Variants in PRDM16 observed in about 807,000 individuals in gnomAD.
PRDM16 encodes histone-lysine N-methyltransferase PRDM16.
PRDM16 carries 23 observed loss-of-function variants against 110.6 expected under a neutral mutation model. The observed-to-expected ratio is 0.21, with a 90% CI of 0.15 to 0.29. The LOEUF (loss-of-function observed/expected upper bound fraction) is 0.29. Among genes scored for constraint, PRDM16 ranks in the 10% least tolerant of loss-of-function variants. The pLI, the probability that PRDM16 is intolerant of heterozygous loss-of-function variation, is 1.00. For synonymous variants in PRDM16, 799 were observed against 781.8 expected (o/e 1.02, Z -0.37); for missense variants, 1,615 against 1,794.3 (o/e 0.90, Z 1.81).
At position 3,382,919 on chromosome 1, in the gene PRDM16, T is replaced by C. The variant is rs1432298147; in HGVS notation, c.439-2233T>C. Among the ~76,000 whole-genome samples the C allele has an allele frequency of 6.6e-6, 1 of 152,212 alleles. No homozygotes were observed. Among genetic ancestry groups the C allele is most frequent in the Non-Finnish European group, 1.5e-5 (1 of 68,034 alleles). On this transcript the variant is annotated intron_variant, in intron 3 of 16. Coordinates refer to ENST00000270722, the MANE Select transcript of PRDM16 (RefSeq NM_022114.4). The surrounding 1 kb of genome is among the most constrained non-coding windows in gnomAD (Gnocchi z 6.6). ...GGACTGGGATACTGCCAGCCCCATG[T>C]GGCCAGCTGTGCTCCTGCTACTCCA...
intron 2 of PRDM16, among the ~76,000 whole-genome samples, chr1:3,187,178 G>C (rs1287393244): frequency 7.9e-5 from 12 of 152,142 alleles, no homozygotes; most frequent in Non-Finnish European, 1.6e-4. Flanking sequence ...CCCGGTGTTG[G>C]GGTCCCTTGA....
At chr1:3,087,270 C>T (rs1445701251) in intron 1 of PRDM16, among the ~76,000 whole-genome samples, 1 of 150,046 alleles carries the variant, frequency 6.7e-6, no homozygotes, top group African/African-American at 2.5e-5. Context: ...GAGACCAGCC[C>T]CACCTGAGGC....
Position 3,412,816 on chromosome 1 carries a change from G to A in PRDM16, c.2603+16G>A. On this transcript the variant is annotated intron_variant, in intron 9 of 16. Transcript: ENST00000270722. ...CCATCTACAGGTATTCAGCACCCCA[G>A]CCTCACTGGCTCTCCCTGGGGCGGG... is the stretch of plus-strand genomic sequence containing the variant. 6.9e-7 allele frequency: 1 copy of A among 1,438,990 alleles called. No individual in the cohort carries two copies. Among genetic ancestry groups the A allele is most frequent in the Non-Finnish European group, 9.1e-7 (1 of 1,096,228 alleles). 89.1% of individuals were successfully genotyped at this position (1,438,990 alleles called of 1,614,324 possible).
intron 2 of PRDM16, chr1:3,205,925 C>T (rs1449393892): frequency 6.6e-6 from 1 of 152,306 alleles, no homozygotes; most frequent in Non-Finnish European, 1.5e-5. Flanking sequence ...ACAATTAACC[C>T]TCTCCCAGGG....
At position 3,246,772 on chromosome 1, in the gene PRDM16, G is replaced by A. The variant is rs534577298; in HGVS notation, c.438+2635G>A. Among the ~76,000 whole-genome samples, 1 of 152,186 alleles carries A rather than the reference G, an allele frequency of 6.6e-6. No individual in the cohort carries two copies. Among genetic ancestry groups the A allele is most frequent in the East Asian group, 1.9e-4 (1 of 5,198 alleles). ...GATCCCTAACCCCAGGGCTCAGACTGGACCCGTTCAGTTACATTTCTAGGC... is the reference window on the plus strand; with the variant it reads ...GATCCCTAACCCCAGGGCTCAGACTAGACCCGTTCAGTTACATTTCTAGGC... On this transcript the variant is annotated intron_variant, in intron 3 of 16. Coordinates refer to ENST00000270722, the MANE Select transcript of PRDM16 (RefSeq NM_022114.4). This position sits in a 1 kb window ranked among gnomAD's most constrained non-coding sequence, Gnocchi z 5.2.
At chr1:3,164,301 A>C (rs527783039) in intron 1 of PRDM16, among the ~76,000 whole-genome samples, 32 of 152,376 alleles carry the variant, frequency 2.1e-4, no homozygotes, top group African/African-American at 7.2e-4. Flanking sequence ...AAATTTGAGA[A>C]GGCAAAGTTT....
At chr1:3,405,694 T>C (rs780076547) in intron 8 of PRDM16, 46 bp downstream of exon 8, 2 of 1,506,812 alleles carry the variant, frequency 1.3e-6, no homozygotes, top group South Asian at 2.6e-5. Context: ...GGTGCGCGGA[T>C]GCCGTGGCGG....
chr1:3,359,763 G>T lies in PRDM16; in HGVS notation c.439-25389G>T, dbSNP rs181753818. ...GAACGCACTGGGTTGATCCCTCAGCGGCAGCCAGAAGGCAAGGCGGGAAAA... is the reference window on the plus strand; with the variant it reads ...GAACGCACTGGGTTGATCCCTCAGCTGCAGCCAGAAGGCAAGGCGGGAAAA... On this transcript the variant is annotated intron_variant, in intron 3 of 16. Coordinates refer to ENST00000270722, the MANE Select transcript of PRDM16 (RefSeq NM_022114.4). This position sits in a 1 kb window ranked among gnomAD's most constrained non-coding sequence, Gnocchi z 4.3. Among the ~76,000 whole-genome samples, 10 of 152,310 alleles carry T rather than the reference G, an allele frequency of 6.6e-5. No individual in the cohort carries two copies. Among genetic ancestry groups the T allele is most frequent in the African/African-American group, 2.4e-4 (10 of 41,574 alleles).
intron 3 of PRDM16, among the ~76,000 whole-genome samples, chr1:3,349,205 C>T (rs369165411): frequency 7.9e-5 from 12 of 152,320 alleles, no homozygotes; most frequent in South Asian, 6.2e-4. Context: ...GCTGTCTGGG[C>T]GCAGCATTCC....
chr1:3,321,432 G>T (rs1033938107), intron 3 of PRDM16, among the ~76,000 whole-genome samples: 1 of 151,866 alleles, frequency 6.6e-6, no homozygotes, highest in Non-Finnish European at 1.5e-5. Flanking sequence ...GTGTGTGGGT[G>T]CACATGTGTT....
chr1:3,128,659 G>T (rs538664353), intron 1 of PRDM16, among the ~76,000 whole-genome samples: 9 of 152,072 alleles, frequency 5.9e-5, no homozygotes, highest in African/African-American at 2.2e-4. Flanking sequence ...TCTGTGGACT[G>T]CCCTGTTCCT....
At chr1:3,420,233 G>C (rs564817766) in intron 12 of PRDM16, among the ~76,000 whole-genome samples, 2 of 152,206 alleles carry the variant, frequency 1.3e-5, no homozygotes. Flanking sequence ...GGTCTGTGCC[G>C]AGGGGTTTGG....
chr1:3,392,533 T>C (rs953571629), intron 4 of PRDM16, among the ~76,000 whole-genome samples: 3 of 152,242 alleles, frequency 2.0e-5, no homozygotes, highest in Admixed American at 6.5e-5. Context: ...TCTATTTGTA[T>C]TGTTAAATTC....
chr1:3,278,053 G>A (rs2100315784), intron 3 of PRDM16, among the ~76,000 whole-genome samples: 2 of 152,356 alleles, frequency 1.3e-5, no homozygotes, highest in African/African-American at 4.8e-5. Flanking sequence ...ACCAAGAACT[G>A]TGTCTGGGGT....
chr1:3,291,575 T>C (rs965019815), intron 3 of PRDM16, among the ~76,000 whole-genome samples: 3 of 151,922 alleles, frequency 2.0e-5, no homozygotes, highest in African/African-American at 7.3e-5. Context: ...CTCCCGCCCC[T>C]GCCCATCCCC....
intron 1 of PRDM16, among the ~76,000 whole-genome samples, chr1:3,108,891 C>T (rs1453929097): frequency 6.9e-6 from 1 of 143,992 alleles, no homozygotes; most frequent in African/African-American, 2.6e-5. Flanking sequence ...CATGATGAAA[C>T]CCTGTCTCTA....
chr1:3,178,811 G>T (rs1644119377), intron 1 of PRDM16, among the ~76,000 whole-genome samples: 1 of 152,152 alleles, frequency 6.6e-6, no homozygotes, highest in Non-Finnish European at 1.5e-5. Context: ...CAGTGGGCCT[G>T]GGTGGACCTG....
intron 2 of PRDM16, among the ~76,000 whole-genome samples, chr1:3,237,701 C>T (rs1035424870): frequency 1.3e-5 from 2 of 152,208 alleles, no homozygotes; most frequent in South Asian, 2.1e-4. Flanking sequence ...CAGCCTCGCC[C>T]GGGCGGTGTG....
chr1:3,418,236 C>A (rs1289109937), intron 11 of PRDM16, among the ~76,000 whole-genome samples: 2 of 152,214 alleles, frequency 1.3e-5, no homozygotes, highest in Admixed American at 6.5e-5. Flanking sequence ...CTCAGCCCAG[C>A]CTGAACTGGG....
Sources: allele counts gnomAD v4.1 joint callset (sites outside exome capture counted in the v4.1 genomes callset), GRCh38; gene constraint gnomAD v4.1.1; non-coding constraint Gnocchi (gnomAD v3.1); transcripts MANE v1.5; gene names NCBI Gene and HGNC (gene_info 2026-07-23, HGNC 2026-07-21).